Variants in GGT7 observed in about 807,000 individuals in gnomAD.
GGT7 encodes gamma-glutamyltransferase 7.
GGT7 carries 30 observed loss-of-function variants against 69.2 expected under a neutral mutation model. The observed-to-expected ratio is 0.43, with a 90% CI of 0.32 to 0.59. The LOEUF (loss-of-function observed/expected upper bound fraction) is 0.59. Ranked by LOEUF, GGT7 falls within the 20% of genes least tolerant of loss-of-function variation. The pLI, the probability that GGT7 is intolerant of heterozygous loss-of-function variation, is 0.05. For synonymous variants in GGT7, 388 were observed against 391.8 expected (o/e 0.99, Z 0.12); for missense variants, 733 against 901.1 (o/e 0.81, Z 2.39).
At chr20:34,866,967 A>G (rs1018680870) in intron 1 of GGT7, among the ~76,000 whole-genome samples, 1 of 152,226 alleles carries the variant, frequency 6.6e-6, no homozygotes. Context: ...CAACATCAGC[A>G]TCACAGAGTC....
chr20:34,866,596 T>G lies in GGT7; in HGVS notation c.170-3048A>C, dbSNP rs536685874. Among the ~76,000 whole-genome samples the G allele has an allele frequency of 2.8e-4, 43 of 152,252 alleles. 1 individual carries two copies. In the South Asian group the frequency reaches 8.7e-3, roughly 31 times the overall value. ...GTAATTTTTGTTTTTGTTTTTGTTT[T>G]TGAGACAGAGTCTCACTCTGTCGCC... On this transcript the variant is annotated intron_variant, in intron 1 of 14. Transcript: ENST00000336431.
intron 13 of GGT7, among the ~76,000 whole-genome samples, chr20:34,850,494 C>T (rs771156200): frequency 6.6e-6 from 1 of 152,152 alleles, no homozygotes; most frequent in African/African-American, 2.4e-5. Flanking sequence ...GGTACTTGAC[C>T]TAAAGTCTTA....
chr20:34,859,903 A>C (rs2079559820), intron 6 of GGT7, 66 bp downstream of exon 6: 1 of 1,190,526 alleles, frequency 8.4e-7, no homozygotes. Context: ...TTGGGCTCCA[A>C]ATCTCAAAGA....
intron 1 of GGT7, among the ~76,000 whole-genome samples, chr20:34,864,460 C>A (rs1001738690): frequency 3.2e-4 from 49 of 152,114 alleles, no homozygotes; most frequent in African/African-American, 1.1e-3. Flanking sequence ...GTGGCTCAAT[C>A]TTGTAATCCC....
Position 34,865,512 on chromosome 20 carries a change from C to T in GGT7, c.170-1964G>A, listed in dbSNP as rs559987028. Among the ~76,000 whole-genome samples, 15 of 152,282 alleles carry T rather than the reference C, an allele frequency of 9.9e-5. No homozygotes were observed. The South Asian group carries it at 3.1e-3, about 32-fold the overall frequency. ...GCCTGTTTTGTGTTTTAAAATGATC[C>T]CTCTGGCTACTGTCTGGAGACAAAC... On this transcript the variant is annotated intron_variant, in intron 1 of 14. Transcript: ENST00000336431.
intron 13 of GGT7, 58 bp downstream of exon 13, chr20:34,851,173 A>G: frequency 6.3e-7 from 1 of 1,595,104 alleles, no homozygotes; most frequent in Non-Finnish European, 8.5e-7. Flanking sequence ...AGGCATCTGC[A>G]GTCTAGGCCA....
chr20:34,859,748 T>C (rs1283903001), intron 6 of GGT7, 109 bp from the exon 7 acceptor site: 5 of 964,770 alleles, frequency 5.2e-6, no homozygotes, highest in Non-Finnish European at 7.7e-6. Context: ...CTAAGTGCCC[T>C]GACCCCCAGG....
At chr20:34,872,500 A>G (rs1464388337) in intron 1 of GGT7, 147 bp downstream of exon 1, 1 of 576,598 alleles carries the variant, frequency 1.7e-6, no homozygotes, top group Non-Finnish European at 2.7e-6. Flanking sequence ...TCACCAAATA[A>G]TTAACAGAGA....
chr20:34,860,124 G>T, intron 5 of GGT7, 82 bp from the exon 6 acceptor site: 1 of 1,002,734 alleles, frequency 1.0e-6, no homozygotes, highest in Non-Finnish European at 1.6e-6. Context: ...TCCTGGGAAG[G>T]AGAGTCCTGG....
rs780127011 is a variant in GGT7 at position 34,872,841 on chromosome 20, A to AGCGCC, written c.-31_-27dup. On this transcript the variant is annotated 5_prime_UTR_variant, in exon 1 of 15. Transcript: ENST00000336431. Reference sequence around the variant, plus strand: ...CCTCGCCCGCGCCCCCCAGCAGCGCAGCGCCTGCCGGAAGTGGCTGCGGCG... The same window carrying AGCGCC: ...CCTCGCCCGCGCCCCCCAGCAGCGCAGCGCCGCGCCTGCCGGAAGTGGCTGCGGCG... 6 of 1,322,076 alleles carry AGCGCC rather than the reference A, an allele frequency of 4.5e-6. No homozygotes were observed. In the East Asian group the frequency reaches 1.6e-4, roughly 34 times the overall value. 81.9% of individuals were successfully genotyped at this position (1,322,076 alleles called of 1,614,324 possible). A position where few individuals can be genotyped will look rare whatever the true frequency, so the allele number is the denominator to read the frequency against.
At chr20:34,849,879 T>C (rs2079360508) in intron 14 of GGT7, 82 bp downstream of exon 14, 3 of 758,060 alleles carry the variant, frequency 4.0e-6, no homozygotes, top group Non-Finnish European at 6.5e-6. Flanking sequence ...TTGGTGCTGG[T>C]TGAGGCATGG....
At chr20:34,853,220 C>T (rs184786625) in intron 10 of GGT7, among the ~76,000 whole-genome samples, 4 of 152,276 alleles carry the variant, frequency 2.6e-5, no homozygotes, top group African/African-American at 9.6e-5. Context: ...GCTGGGATTA[C>T]AGGCATGAGC....
chr20:34,847,439 C>G (rs1202182733), intron 14 of GGT7, among the ~76,000 whole-genome samples: 1 of 152,206 alleles, frequency 6.6e-6, no homozygotes, highest in Non-Finnish European at 1.5e-5. Flanking sequence ...CCTACCGCTT[C>G]TCAATAAAGA....
At position 34,859,601 on chromosome 20, in the gene GGT7, C is replaced by T. The variant is rs775434130; in HGVS notation, c.856G>A (p.Glu286Lys). 1.0e-5 allele frequency: 16 copies of T among 1,601,788 alleles called. No homozygotes were observed. In the African/African-American group the frequency reaches 1.1e-4, roughly 11 times the overall value. Residue 286 changes from glutamate to lysine, a missense_variant, in exon 7 of 15, where the codon GAG becomes AAG. Transcript: ENST00000336431. ...GGCAGGAACGTCTCCCGGAAGCGCT[C>T]GGACATGTTGGGTGGCAGCTGTTCA... ...LAEQLPPNMS[E>K]RFRETFLPSG...
chr20:34,845,197 T>G lies in GGT7; in HGVS notation c.*131A>C. The G allele has an allele frequency of 1.7e-5, 10 of 598,858 alleles. No homozygotes were observed. Among genetic ancestry groups the G allele is most frequent in the East Asian group, 1.0e-4 (2 of 19,370 alleles). The allele number at this position is 598,858 out of a possible 1,614,324, so 37.1% of individuals were successfully genotyped here. A position where few individuals can be genotyped will look rare whatever the true frequency, so the allele number is the denominator to read the frequency against. On this transcript the variant is annotated 3_prime_UTR_variant, in exon 15 of 15. Transcript: ENST00000336431. ...ATTTTCCAGTTACTCTGGGATTGGG[T>G]TTGCTAAGCATCCCCTCTGGCCCCT...
chr20:34,872,620 G>A (rs2079798800), intron 1 of GGT7, 27 bp downstream of exon 1: 1 of 1,422,912 alleles, frequency 7.0e-7, no homozygotes, highest in Non-Finnish European at 9.2e-7. Context: ...CCCAAGGCAG[G>A]GCAGGGACGG....
chr20:34,856,879 C>T lies in GGT7; in HGVS notation c.1029G>A (p.Gly343=). 6.2e-7 allele frequency: 1 copy of T among 1,608,216 alleles called. No homozygotes were observed. The highest frequency in any genetic ancestry group is 8.5e-7 in the Non-Finnish European group (1 of 1,174,970). Residue 343 remains glycine, a synonymous_variant, in exon 8 of 15, where the codon GGG becomes GGA. Transcript: ENST00000336431. ...LEMVAEAQHA[G]GVITEEDFSN... is the part of the protein sequence containing the mutation. ...TGAAGTCCTCTTCGGTTATGACACC[C>T]CCTGCGTGCTGAGCCTGGAGGGAAG...
chr20:34,849,568 G>A (rs1184147868), intron 14 of GGT7, among the ~76,000 whole-genome samples: 1 of 152,150 alleles, frequency 6.6e-6, no homozygotes, highest in Non-Finnish European at 1.5e-5. Flanking sequence ...AGTTGGCAGA[G>A]CATTTATTTG....
intron 7 of GGT7, among the ~76,000 whole-genome samples, chr20:34,858,217 G>A (rs1243278990): frequency 6.6e-6 from 1 of 152,190 alleles, no homozygotes; most frequent in African/African-American, 2.4e-5. Flanking sequence ...AGGATGGCCT[G>A]ATATGGGCTG....
Sources: allele counts gnomAD v4.1 joint callset (sites outside exome capture counted in the v4.1 genomes callset), GRCh38; gene constraint gnomAD v4.1.1; transcripts MANE v1.5; gene names NCBI Gene and HGNC (gene_info 2026-07-23, HGNC 2026-07-21).